Variants in KDM4C observed in about 807,000 individuals in gnomAD.
KDM4C encodes lysine demethylase 4C.
In KDM4C, 81 loss-of-function variants were observed where a neutral mutation model predicts 129.3. The ratio of observed to expected loss-of-function variants is 0.63; its 90% CI spans 0.52 to 0.75. The LOEUF is 0.75. Ranked by LOEUF, KDM4C falls within the 30% of genes least tolerant of loss-of-function variation. The pLI, the probability that KDM4C is intolerant of heterozygous loss-of-function variation, is 0.00. For synonymous variants in KDM4C, 573 were observed against 456.1 expected, an observed-to-expected ratio of 1.26 and a Z score of -3.26; for missense variants, 1,457 against 1,304.0, an observed-to-expected ratio of 1.12 and a Z score of -1.81.
chr9:7,073,125 G>A (rs1433743671), intron 17 of KDM4C, among the ~76,000 whole-genome samples: 1 of 152,144 alleles, frequency 6.6e-6, no homozygotes, highest in Admixed American at 6.5e-5. Context: ...TCCTCTGGAC[G>A]ACATGGGACT....
intron 12 of KDM4C, among the ~76,000 whole-genome samples, chr9:7,007,393 A>C (rs1821873099): frequency 1.3e-5 from 2 of 152,246 alleles, no homozygotes; most frequent in Admixed American, 6.5e-5. Context: ...TGCTCTTGGC[A>C]TAAAATCTTT....
chr9:6,896,425 G>C (rs1233419231), intron 8 of KDM4C, among the ~76,000 whole-genome samples: 2 of 150,598 alleles, frequency 1.3e-5, no homozygotes, highest in Non-Finnish European at 3.0e-5. Context: ...CAGAGTGTGG[G>C]GTCTGCATAC....
At chr9:6,727,005 G>A (rs1285756935) in intron 1 of KDM4C, 1 of 152,150 alleles carries the variant, frequency 6.6e-6, no homozygotes, top group Non-Finnish European at 1.5e-5. Context: ...AAAGTGCTGG[G>A]ATTATAGGCA....
chr9:6,986,614 G>C lies in KDM4C; in HGVS notation c.1625G>C (p.Gly542Ala). 1 of 1,613,922 alleles carries C rather than the reference G, an allele frequency of 6.2e-7. No homozygotes were observed. The highest frequency in any genetic ancestry group is 8.5e-7 in the Non-Finnish European group (1 of 1,179,882). ...VESHGNGLEP[G>A]EIPAVPSGER... The stretch of plus-strand genomic sequence containing the variant: ...AGCCATGGGAATGGCCTTGAACCTG[G>C]GGAAATCCCAGCGGTCCCCAGTGGA... The change falls in exon 11 of 22, where the codon GGG (glycine) becomes GCG (alanine). Residue 542 changes from glycine to alanine, a missense_variant. Coordinates refer to ENST00000381309, the MANE Select transcript of KDM4C (RefSeq NM_015061.6).
At position 7,129,596 on chromosome 9, in the gene KDM4C, T is replaced by C. The variant is rs191870762; in HGVS notation, c.2781+1360T>C. The stretch of plus-strand genomic sequence containing the variant: ...TGTGTCACTTACTTACCACACTAGG[T>C]GCTGGAAACATAAAGAGAAAGAAGA... On this transcript the variant is annotated intron_variant, in intron 19 of 21. Coordinates refer to ENST00000381309, the MANE Select transcript of KDM4C (RefSeq NM_015061.6). 1.7e-3 allele frequency among the ~76,000 whole-genome samples: 265 copies of C among 152,192 alleles called. 1 individual carries two copies. Among genetic ancestry groups the C allele is most frequent in the Non-Finnish European group, 3.1e-3 (208 of 68,002 alleles).
intron 17 of KDM4C, 49 bp downstream of exon 17, chr9:7,049,249 A>G (rs558447645): frequency 1.9e-6 from 2 of 1,045,698 alleles, no homozygotes; most frequent in African/African-American, 1.6e-5. Context: ...GTTAATTTCA[A>G]GTTCTGAATT....
intron 15 of KDM4C, among the ~76,000 whole-genome samples, chr9:7,028,767 G>A (rs1443102187): frequency 6.6e-6 from 1 of 152,102 alleles, no homozygotes; most frequent in Non-Finnish European, 1.5e-5. Context: ...TCCCTCTGAC[G>A]TGGACTGGTT....
At chr9:6,952,411 G>GTATATATA (rs61217461) in intron 8 of KDM4C, among the ~76,000 whole-genome samples, 7 of 145,146 alleles carry the variant, frequency 4.8e-5, no homozygotes, top group South Asian at 2.2e-4. Context: ...GTGTATGTGT[G>GTATATATA]TATATATATA....
intron 15 of KDM4C, among the ~76,000 whole-genome samples, chr9:7,032,590 A>G (rs546645040): frequency 6.6e-6 from 1 of 152,372 alleles, no homozygotes; most frequent in South Asian, 2.1e-4. Context: ...GATAAAGGCT[A>G]AGGAATTCTT....
At position 6,981,128 on chromosome 9, in the gene KDM4C, C is replaced by A; in HGVS notation, c.1115+10C>A. 2 of 1,601,126 alleles carry A rather than the reference C, an allele frequency of 1.2e-6. No homozygotes were observed. Among genetic ancestry groups the A allele is most frequent in the Non-Finnish European group, 1.7e-6 (2 of 1,174,320 alleles). On this transcript the variant is annotated intron_variant, in intron 9 of 21. Coordinates refer to ENST00000381309, the MANE Select transcript of KDM4C (RefSeq NM_015061.6). ...GAAAAGCATCCCGAAGGTAATGACC[C>A]CTCACCCCACTGACCTGCCTTGCCT...
intron 4 of KDM4C, among the ~76,000 whole-genome samples, chr9:6,833,663 A>G (rs140532234): frequency 4.0e-4 from 61 of 152,330 alleles, no homozygotes; most frequent in African/African-American, 1.4e-3. Context: ...GGTGACATAA[A>G]TAAAACACCT....
intron 12 of KDM4C, among the ~76,000 whole-genome samples, chr9:7,005,416 CA>C (rs1175572011): frequency 1.3e-5 from 1 of 79,074 alleles, no homozygotes; most frequent in Non-Finnish European, 2.4e-5. Context: ...GCCTGGGCAA[CA>C]AAAGTGAAAC....
chr9:7,086,882 C>T (rs773837006), intron 17 of KDM4C, among the ~76,000 whole-genome samples: 3 of 152,306 alleles, frequency 2.0e-5, no homozygotes, highest in East Asian at 1.9e-4. Context: ...TCTCCTGTCC[C>T]CTCTCCTTCA....
At position 6,990,422 on chromosome 9, in the gene KDM4C, G is replaced by C; in HGVS notation, c.1684G>C (p.Glu562Gln). The stretch of plus-strand genomic sequence containing the variant: ...ATTTTTGTTCTATAACTAGATAGCA[G>C]AGGGAGAGAACAAAACCTCTAAGAG... ...RNSFKVPSIAEGENKTSKSWR... is the reference protein window; with the variant it reads ...RNSFKVPSIAQGENKTSKSWR... The change falls in exon 12 of 22, where the codon GAG becomes CAG. Residue 562 changes from glutamate (E) to glutamine (Q), a missense_variant. By Grantham distance (29) the Glu-to-Gln change is conservative. Coordinates refer to ENST00000381309, the MANE Select transcript of KDM4C (RefSeq NM_015061.6). 1 of 1,607,596 alleles carries C rather than the reference G, an allele frequency of 6.2e-7. No homozygotes were observed. Among genetic ancestry groups the C allele is most frequent in the Non-Finnish European group, 8.5e-7 (1 of 1,174,992 alleles).
chr9:6,770,243 G>T (rs544275576), intron 1 of KDM4C, among the ~76,000 whole-genome samples: 1 of 151,290 alleles, frequency 6.6e-6, no homozygotes, highest in South Asian at 2.1e-4. Context: ...CCCGTGTGTT[G>T]TAAATCAAGG....
In KDM4C at chr9:6,858,018, C is replaced by T. The variant is rs1588735336; in HGVS notation, c.629+8318C>T. Reference sequence around the variant, plus strand: ...AGCTAAGGCAGTCTACCCACGCAGTCAGTCATAGCTCATTGTAGCCTCAAA... The same window carrying T: ...AGCTAAGGCAGTCTACCCACGCAGTTAGTCATAGCTCATTGTAGCCTCAAA... On this transcript the variant is annotated intron_variant, in intron 5 of 21. Coordinates refer to ENST00000381309, the MANE Select transcript of KDM4C (RefSeq NM_015061.6). 3.3e-5 allele frequency among the ~76,000 whole-genome samples: 5 copies of T among 150,068 alleles called. No homozygotes were observed. The South Asian group carries it at 1.1e-3, about 32-fold the overall frequency.
At chr9:7,050,341 C>A (rs1057200) in intron 17 of KDM4C, among the ~76,000 whole-genome samples, 78,469 of 150,126 alleles carry the variant, frequency 0.52, 21,627 homozygotes, top group Non-Finnish European at 0.62. Flanking sequence ...TTAAATGGCC[C>A]TCTAAAGGTC....
chr9:6,757,186 C>T (rs1461098412), upstream of KDM4C, among the ~76,000 whole-genome samples: 1 of 152,198 alleles, frequency 6.6e-6, no homozygotes, highest in Non-Finnish European at 1.5e-5. Flanking sequence ...AGGAAGTTAA[C>T]TTATCTAGTC....
At chr9:6,876,958 G>C (rs1843659670) in intron 5 of KDM4C, among the ~76,000 whole-genome samples, 1 of 152,184 alleles carries the variant, frequency 6.6e-6, no homozygotes, top group Non-Finnish European at 1.5e-5. Flanking sequence ...TCAGGACCAA[G>C]CAGAGGTTCT....
Sources: gnomAD v4.1 joint callset for allele counts (sites outside exome capture counted in the v4.1 genomes callset) on GRCh38, gnomAD v4.1.1 for gene constraint, MANE v1.5 for transcripts, NCBI Gene and HGNC (gene_info 2026-07-23, HGNC 2026-07-21) for gene names.